DMD: variants seen among roughly 807,000 people sequenced by gnomAD.
DMD encodes the protein dystrophin, also known as mutant dystrophin.
DMD carries 63 observed loss-of-function variants against 330.1 expected under a neutral mutation model. The ratio of observed to expected loss-of-function variants is 0.19; its 90% CI spans 0.16 to 0.24. The LOEUF is 0.24. DMD is among the 10% of genes least tolerant of loss of function. The probability of loss-of-function intolerance (pLI) is 1.00; values close to 1 mark genes in which losing one functional copy is unlikely to be tolerated. For synonymous variants in DMD, 1,223 were observed against 959.8 expected (o/e 1.27, Z -5.07); for missense variants, 3,344 against 2,684.1 (o/e 1.25, Z -5.43).
intron 47 of DMD, among the ~76,000 whole-genome samples, chrX:31,884,272 A>T (rs2149721380): frequency 8.9e-6 from 1 of 111,982 alleles, no homozygotes; most frequent in Non-Finnish European, 1.9e-5. Flanking sequence ...TGAACGGTTA[A>T]AGAAATTGCG....
intron 41 of DMD, among the ~76,000 whole-genome samples, chrX:32,324,609 T>C (rs1187501348): frequency 9.0e-6 from 1 of 111,603 alleles, no homozygotes; most frequent in Non-Finnish European, 1.9e-5. Context: ...TAGTCATTAA[T>C]TGCTATGCCC....
At chrX:31,933,262 G>A (rs772194473) in intron 45 of DMD, among the ~76,000 whole-genome samples, 1 of 111,857 alleles carries the variant, frequency 8.9e-6, no homozygotes, top group East Asian at 2.8e-4. Context: ...TCTGCTTTAT[G>A]TGGCTTCAGC....
rs765092226 is a variant in DMD, at chrX:32,538,208, C to T, written c.2168+6951G>A. ...GCCATCCTTTCCCCTATGACCTGCACCTTTACGTCCAGATGGCCTGAAGCA... is the reference window on the plus strand; with the variant it reads ...GCCATCCTTTCCCCTATGACCTGCATCTTTACGTCCAGATGGCCTGAAGCA... On this transcript the variant is annotated intron_variant, in intron 17 of 78. Transcript: ENST00000357033. 4.4e-5 allele frequency among the ~76,000 whole-genome samples: 5 copies of T among 112,522 alleles called. No individual in the cohort carries two copies. The East Asian group carries it at 8.4e-4, about 19-fold the overall frequency.
intron 53 of DMD, among the ~76,000 whole-genome samples, chrX:31,673,357 T>C (rs2081915943): frequency 8.9e-6 from 1 of 112,264 alleles, no homozygotes; most frequent in African/African-American, 3.2e-5. Context: ...CTCACGCCTG[T>C]ATCCCAGCAC....
chrX:31,465,903 T>C (rs957838278), intron 59 of DMD, among the ~76,000 whole-genome samples: 4 of 111,578 alleles, frequency 3.6e-5, no homozygotes, highest in African/African-American at 1.3e-4. Flanking sequence ...CCATTGTAAC[T>C]GGTGTGTTTT....
chrX:31,359,289 G>A (rs1229032751), intron 60 of DMD, among the ~76,000 whole-genome samples: 2 of 112,048 alleles, frequency 1.8e-5, no homozygotes, highest in African/African-American at 3.2e-5. Flanking sequence ...TTCTTAGCTC[G>A]TCTAAATAAT....
intron 60 of DMD, among the ~76,000 whole-genome samples, chrX:31,420,909 T>A (rs181796812): frequency 8.9e-6 from 1 of 112,326 alleles, no homozygotes; most frequent in Non-Finnish European, 1.9e-5. Flanking sequence ...GCTGCAGGCA[T>A]TGACTGACTT....
At chrX:32,714,619 C>T (rs752357153) in intron 7 of DMD, among the ~76,000 whole-genome samples, 2 of 111,510 alleles carry the variant, frequency 1.8e-5, no homozygotes, top group African/African-American at 3.3e-5. Flanking sequence ...AGTGAACATG[C>T]GAGTGTGACT....
At chrX:32,371,528 G>T (rs1174940720) in intron 34 of DMD, among the ~76,000 whole-genome samples, 1 of 110,978 alleles carries the variant, frequency 9.0e-6, no homozygotes, top group Non-Finnish European at 1.9e-5. Context: ...AACTGAGTTG[G>T]AATCTTTGAT....
chrX:32,360,038 G>C (rs928206945), intron 37 of DMD, among the ~76,000 whole-genome samples: 7 of 111,133 alleles, frequency 6.3e-5, no homozygotes, highest in Middle Eastern at 4.7e-3. Context: ...TACTGAAAAA[G>C]TTAGGCCTAA....
intron 44 of DMD, among the ~76,000 whole-genome samples, chrX:31,978,248 A>G (rs1020127031): frequency 9.0e-6 from 1 of 110,698 alleles, no homozygotes; most frequent in African/African-American, 3.3e-5. Flanking sequence ...TGACATCTGT[A>G]TTTTCCAGTA....
At chrX:31,250,792 C>A (rs1005196137) in intron 63 of DMD, among the ~76,000 whole-genome samples, 3 of 111,289 alleles carry the variant, frequency 2.7e-5, no homozygotes, top group Non-Finnish European at 5.7e-5. Flanking sequence ...ATGTTAAAAA[C>A]CACCACCGCG....
chrX:33,085,226 G>A (rs1048009305), intron 1 of DMD, among the ~76,000 whole-genome samples: 5 of 111,528 alleles, frequency 4.5e-5, no homozygotes, highest in African/African-American at 1.3e-4. Context: ...CAACAACTTC[G>A]TAAGTTGTCC....
chrX:33,242,851 T>C (rs56067937), intron 1 of DMD, among the ~76,000 whole-genome samples: 8,209 of 111,788 alleles, frequency 0.073, 291 homozygotes, highest in South Asian at 0.25. Flanking sequence ...TCATTAGTGA[T>C]GTTGAGCATT....
At chrX:32,799,266 G>A (rs1052763788) in intron 7 of DMD, among the ~76,000 whole-genome samples, 1 of 111,105 alleles carries the variant, frequency 9.0e-6, no homozygotes, top group Non-Finnish European at 1.9e-5. Context: ...AAATAAAGGG[G>A]ATTAAAACCA....
intron 38 of DMD, 89 bp downstream of exon 38, chrX:32,348,317 T>C: frequency 1.0e-6 from 1 of 957,304 alleles, no homozygotes. Flanking sequence ...ATATGTGCTC[T>C]GAAAATTCAG....
chrX:31,406,617 T>G (rs1489276775), intron 60 of DMD, among the ~76,000 whole-genome samples: 2 of 110,972 alleles, frequency 1.8e-5, no homozygotes. Context: ...CAATAATCTT[T>G]GAGTTATGTC....
At chrX:32,431,412 G>T (rs1426246389) in intron 29 of DMD, among the ~76,000 whole-genome samples, 1 of 110,342 alleles carries the variant, frequency 9.1e-6, no homozygotes, top group African/African-American at 3.3e-5. Context: ...TTTTTAAATT[G>T]GGTTATATAA....
chrX:32,328,545 G>A (rs1357389284), intron 41 of DMD, among the ~76,000 whole-genome samples: 1 of 111,155 alleles, frequency 9.0e-6, no homozygotes, highest in East Asian at 2.8e-4. Flanking sequence ...AGGAGGTGAT[G>A]GTTTTCATGC....
Sources: allele counts gnomAD v4.1 joint callset (sites outside exome capture counted in the v4.1 genomes callset), GRCh38; gene constraint gnomAD v4.1.1; transcripts MANE v1.5; gene names NCBI Gene and HGNC (gene_info 2026-07-23, HGNC 2026-07-21).